The following SFT2D1 variants were observed in gnomAD, a reference collection of about 807,000 sequenced individuals.
SFT2D1 encodes the protein SFT2 domain containing 1, also known as vesicle transport protein SFT2A.
Under a neutral mutation model 28.1 loss-of-function variants are expected in SFT2D1, and 24 were observed. The ratio of observed to expected loss-of-function variants is 0.85; its 90% CI spans 0.62 to 1.20. The LOEUF (loss-of-function observed/expected upper bound fraction) is 1.20. Among genes scored for constraint, SFT2D1 ranks in the 50% most tolerant of loss-of-function variants. The pLI, the probability that SFT2D1 is intolerant of heterozygous loss-of-function variation, is 0.00. For synonymous variants in SFT2D1, 82 were observed against 73.7 expected (o/e 1.11, Z -0.58); for missense variants, 181 against 190.9 (o/e 0.95, Z 0.31).
chr6:166,330,240 T>A lies in SFT2D1; in HGVS notation c.71A>T (p.Asp24Val), dbSNP rs1197673149. Residue 24 changes from aspartate to valine, a missense_variant, in exon 2 of 8, where the codon GAT (aspartate) becomes GTT (valine). Physicochemically the swap from Asp to Val is radical, Grantham distance 152 (BLOSUM62 -3). Coordinates refer to ENST00000361731, the MANE Select transcript of SFT2D1 (RefSeq NM_145169.3). ...GGTGTTGAAACTAAGGGATGAGGCA[T>A]CCAGGACCTTAATAAAAAATGGGAA... Reference protein sequence around the residue: ...EEQGLTAQVLDASSLSFNTRL... With the variant: ...EEQGLTAQVLVASSLSFNTRL... 28 of 1,597,042 alleles carry A rather than the reference T, an allele frequency of 1.8e-5. No homozygotes were observed. The highest frequency in any genetic ancestry group is 2.4e-5 in the Non-Finnish European group (28 of 1,174,318).
intron 7 of SFT2D1, among the ~76,000 whole-genome samples, chr6:166,322,048 A>G (rs1778366587): frequency 6.6e-6 from 1 of 152,022 alleles, no homozygotes; most frequent in Admixed American, 6.6e-5. Context: ...ACACCCAGCT[A>G]ATTTTGTATT....
At chr6:166,320,462 T>C (rs1290556963) in intron 7 of SFT2D1, among the ~76,000 whole-genome samples, 1 of 152,218 alleles carries the variant, frequency 6.6e-6, no homozygotes, top group Admixed American at 6.5e-5. Flanking sequence ...ATGGTATTTA[T>C]CTTAAGAAAT....
At chr6:166,334,784 G>T in intron 1 of SFT2D1, 1 of 409,212 alleles carries the variant, frequency 2.4e-6, no homozygotes, top group East Asian at 5.8e-5. Context: ...CCGCTGTGAA[G>T]GAGGTGGATG....
intron 6 of SFT2D1, 69 bp downstream of exon 6, chr6:166,324,468 G>C: frequency 2.0e-6 from 3 of 1,477,324 alleles, no homozygotes; most frequent in Non-Finnish European, 1.9e-6. Flanking sequence ...GGGCTTCACA[G>C]GTCCCAAACA....
At position 166,333,203 on chromosome 6, in the gene SFT2D1, G is replaced by A. The variant is rs1279262830; in HGVS notation, c.64-2956C>T. Among the ~76,000 whole-genome samples the A allele has an allele frequency of 3.9e-5, 6 of 152,272 alleles. No individual in the cohort carries two copies. In the South Asian group the frequency reaches 6.2e-4, roughly 16 times the overall value. ...CCTCAGGCCCATTCCAGGCAGAACC[G>A]CCCGCTCCCCACACCCGCTGCTGGG... On this transcript the variant is annotated intron_variant, in intron 1 of 7. Coordinates refer to ENST00000361731, the MANE Select transcript of SFT2D1 (RefSeq NM_145169.3).
chr6:166,324,566 G>A lies in SFT2D1; in HGVS notation c.381C>T (p.Phe127=), dbSNP rs764383246. 2.5e-6 allele frequency: 4 copies of A among 1,612,938 alleles called. No homozygotes were observed. The highest frequency in any genetic ancestry group is 3.4e-5 in the Admixed American group (2 of 59,416). ...WWHKKGLAVL[F]CILQFLSMTW... Reference sequence around the variant, plus strand: ...TCATTGACAAGAACTGCAATATGCAGAATAACACAGCCAGTCCCTTCTTAT... The same window carrying A: ...TCATTGACAAGAACTGCAATATGCAAAATAACACAGCCAGTCCCTTCTTAT... The change falls in exon 6 of 8, where the codon TTC becomes TTT. Residue 127 remains phenylalanine (F), a synonymous_variant. Transcript: ENST00000361731.
intron 6 of SFT2D1, chr6:166,323,959 T>A (rs1376818601): frequency 6.8e-6 from 1 of 147,568 alleles, no homozygotes; most frequent in East Asian, 2.0e-4. Context: ...TGAGCCAAGA[T>A]AATGCCACTG....
chr6:166,342,304 GGCAGAGGAGTCCCAGACCCCCGGCCTC>G, intron 1 of SFT2D1, 88 bp downstream of exon 1: 1 of 874,266 alleles, frequency 1.1e-6, no homozygotes, highest in Non-Finnish European at 1.7e-6. Flanking sequence ...CAACCAGCCG[GGCAGAGGAGTCCCAGACCCCCGGCCTC>G]GCACCCACCC....
chr6:166,320,144 T>C lies in SFT2D1; in HGVS notation c.*73A>G. ...CACGTCAGTTGTTCCTGGAGTGTTT[T>C]ATGGGGAAAAGCAAACTTCACCAAA... is the stretch of plus-strand genomic sequence containing the variant. On this transcript the variant is annotated 3_prime_UTR_variant, in exon 8 of 8. Coordinates refer to ENST00000361731, the MANE Select transcript of SFT2D1 (RefSeq NM_145169.3). The C allele has an allele frequency of 6.8e-7, 1 of 1,460,866 alleles. No homozygotes were observed. Among genetic ancestry groups the C allele is most frequent in the Non-Finnish European group, 9.5e-7 (1 of 1,047,512 alleles). 90.5% of individuals were successfully genotyped at this position (1,460,866 alleles called of 1,614,324 possible). A position where few individuals can be genotyped will look rare whatever the true frequency, so the allele number is the denominator to read the frequency against.
Position 166,326,304 on chromosome 6 carries a change from C to G in SFT2D1, c.316-137G>C, listed in dbSNP as rs1420853163. ...ATAAGAATACAGCTGAATAGTTTTA[C>G]TTGTATTTTCTGTAAGTATTATTTT... On this transcript the variant is annotated intron_variant, in intron 4 of 7. Transcript: ENST00000361731. The G allele has an allele frequency of 5.6e-6, 4 of 718,750 alleles. No individual in the cohort carries two copies. In the African/African-American group the frequency reaches 7.2e-5, roughly 13 times the overall value. The allele number at this position is 718,750 out of a possible 1,614,324, so 44.5% of individuals were successfully genotyped here.
rs150718297 is a variant in SFT2D1 at position 166,337,225 on chromosome 6, A to C, written c.63+5194T>G. The stretch of plus-strand genomic sequence containing the variant: ...CTTATTTCCCAGGAATCCTTATCTG[A>C]GGCTGTAGGAGTAGACGGGACCCCC... On this transcript the variant is annotated intron_variant, in intron 1 of 7. Transcript: ENST00000361731. Among the ~76,000 whole-genome samples, 23 of 152,236 alleles carry C rather than the reference A, an allele frequency of 1.5e-4. No individual in the cohort carries two copies. The East Asian group carries it at 3.5e-3, about 23-fold the overall frequency.
chr6:166,336,703 G>A (rs989709560), intron 1 of SFT2D1, among the ~76,000 whole-genome samples: 9 of 152,246 alleles, frequency 5.9e-5, no homozygotes, highest in Middle Eastern at 3.4e-3. Context: ...CCATGTAGCT[G>A]GGACCACAGG....
Position 166,330,317 on chromosome 6 carries a change from T to A in SFT2D1, c.64-70A>T, listed in dbSNP as rs916158693. The A allele has an allele frequency of 1.8e-5, 18 of 1,014,098 alleles. No homozygotes were observed. In the African/African-American group the frequency reaches 2.5e-4, roughly 14 times the overall value. 62.8% of individuals were successfully genotyped at this position (1,014,098 alleles called of 1,614,324 possible). ...ACCAATCTGATTCTTTATACTAAAT[T>A]AAAGCAAAGTTTTAACACATAGTCT... On this transcript the variant is annotated intron_variant, in intron 1 of 7. Coordinates refer to ENST00000361731, the MANE Select transcript of SFT2D1 (RefSeq NM_145169.3).
chr6:166,332,817 T>C (rs564683639), intron 1 of SFT2D1, among the ~76,000 whole-genome samples: 2 of 152,260 alleles, frequency 1.3e-5, no homozygotes, highest in Admixed American at 1.3e-4. Flanking sequence ...CAACTAGAAC[T>C]TCATTCATTA....
At chr6:166,329,054 T>C (rs568161738) in intron 3 of SFT2D1, among the ~76,000 whole-genome samples, 1 of 152,212 alleles carries the variant, frequency 6.6e-6, no homozygotes, top group Admixed American at 6.5e-5. Context: ...GTGCAGCAGC[T>C]CCAAGCCTGG....
At chr6:166,330,088 T>A in intron 2 of SFT2D1, 73 bp downstream of exon 2, 3 of 1,199,628 alleles carry the variant, frequency 2.5e-6, no homozygotes, top group Non-Finnish European at 3.4e-6. Context: ...AGGACATTAG[T>A]TTTTGGTACT....
At chr6:166,339,163 C>T (rs1310453500) in intron 1 of SFT2D1, among the ~76,000 whole-genome samples, 1 of 152,048 alleles carries the variant, frequency 6.6e-6, no homozygotes, top group African/African-American at 2.4e-5. Flanking sequence ...TCCCTATGTC[C>T]TCACCCTCTT....
chr6:166,341,181 C>A (rs1199732325), intron 1 of SFT2D1, among the ~76,000 whole-genome samples: 5 of 152,054 alleles, frequency 3.3e-5, no homozygotes, highest in Admixed American at 3.3e-4. Flanking sequence ...CGCAGTGGCT[C>A]AAGCCTGTCA....
At chr6:166,320,762 C>A (rs1456757086) in intron 7 of SFT2D1, among the ~76,000 whole-genome samples, 3 of 151,932 alleles carry the variant, frequency 2.0e-5, no homozygotes, top group African/African-American at 7.3e-5. Flanking sequence ...AGCCATCCAC[C>A]CGTCTCAGCC....
Sources: allele counts gnomAD v4.1 joint callset (sites outside exome capture counted in the v4.1 genomes callset), GRCh38; gene constraint gnomAD v4.1.1; transcripts MANE v1.5; gene names NCBI Gene and HGNC (gene_info 2026-07-23, HGNC 2026-07-21).